Variants in MAP1S observed in about 807,000 individuals in gnomAD.
MAP1S encodes the protein microtubule-associated protein 1S.
A neutral mutation model predicts 60.9 loss-of-function variants in MAP1S; 27 were observed. The observed-to-expected ratio is 0.44, with a 90% CI of 0.33 to 0.61. The LOEUF is 0.61. Among genes scored for constraint, MAP1S ranks in the 20% least tolerant of loss-of-function variants. The pLI is 0.03. For synonymous variants in MAP1S, 826 were observed against 694.2 expected (o/e 1.19, Z -2.98); for missense variants, 1,608 against 1,486.6 (o/e 1.08, Z -1.34).
Position 17,727,809 on chromosome 19 carries a change from T to G in MAP1S, c.2425T>G (p.Ser809Ala), listed in dbSNP as rs2080454222. 8 of 1,612,718 alleles carry G rather than the reference T, an allele frequency of 5.0e-6. No homozygotes were observed. Among genetic ancestry groups the G allele is most frequent in the East Asian group, 2.2e-5 (1 of 44,818 alleles). The change falls in exon 5 of 7, where the codon TCA (serine) becomes GCA (alanine). Residue 809 changes from serine (S) to alanine (A), a missense_variant. Physicochemically the swap from Ser to Ala is moderately conservative, Grantham distance 99. Coordinates refer to ENST00000324096, the MANE Select transcript of MAP1S (RefSeq NM_018174.6). The surrounding 1 kb of genome is among the most constrained non-coding windows in gnomAD (Gnocchi z 4.1). ...PVPLAPGAAD[S>A]DEDTEGFGVP... is the part of the protein sequence containing the mutation. ...GCCCCTGGCCCCCGGTGCGGCAGAC[T>G]CAGACGAAGACACAGAGGGCTTTGG...
In MAP1S at chr19:17,727,735, C is replaced by T. The variant is rs1173680824; in HGVS notation, c.2351C>T (p.Pro784Leu). The change falls in exon 5 of 7, where the codon CCC (proline) becomes CTC (leucine). Residue 784 changes from proline (P) to leucine (L), a missense_variant. Pro to Leu is a moderately conservative substitution (Grantham distance 98). This residue lies in a region of MAP1S where 1,167 missense variants were observed against 961.4 expected (regional missense o/e 1.21). Coordinates refer to ENST00000324096, the MANE Select transcript of MAP1S (RefSeq NM_018174.6). The surrounding 1 kb of genome is among the most constrained non-coding windows in gnomAD (Gnocchi z 4.1). ...AGGLGAEETP[P>L]TSVSESLPTL... Reference sequence around the variant, plus strand: ...GGGCTGGGGGCCGAGGAGACGCCACCCACATCGGTCAGCGAGTCCCTGCCC... The same window carrying T: ...GGGCTGGGGGCCGAGGAGACGCCACTCACATCGGTCAGCGAGTCCCTGCCC... 3 of 1,606,276 alleles carry T rather than the reference C, an allele frequency of 1.9e-6. No homozygotes were observed. In the Admixed American group the frequency reaches 5.0e-5, roughly 27 times the overall value.
In MAP1S at chr19:17,726,802, A is replaced by G. The variant is rs1277977334; in HGVS notation, c.1418A>G (p.Lys473Arg). Residue 473 changes from lysine to arginine, a missense_variant, in exon 5 of 7, where the codon AAA becomes AGA. Lys to Arg is a conservative substitution (Grantham distance 26). Coordinates refer to ENST00000324096, the MANE Select transcript of MAP1S (RefSeq NM_018174.6). ...DLEGPGRAES[K>R]ESVGSRDSSK... ...GAGGGGCCGGGGCGAGCCGAGAGCA[A>G]AGAGAGCGTGGGCTCCCGGGACAGC... 5 of 1,558,122 alleles carry G rather than the reference A, an allele frequency of 3.2e-6. No individual in the cohort carries two copies. The highest frequency in any genetic ancestry group is 1.2e-5 in the South Asian group (1 of 84,914).
chr19:17,722,784 A>AGGG (rs2080382714), intron 2 of MAP1S, among the ~76,000 whole-genome samples: 1 of 88,572 alleles, frequency 1.1e-5, no homozygotes, highest in Non-Finnish European at 2.3e-5. Context: ...GGAGGGAGGG[A>AGGG]GGGGGAGAGG....
chr19:17,727,530 G>T lies in MAP1S; in HGVS notation c.2146G>T (p.Gly716Trp), dbSNP rs1017076804. Residue 716 changes from glycine to tryptophan, a missense_variant, in exon 5 of 7, where the codon GGG becomes TGG. Physicochemically the swap from Gly to Trp is radical, Grantham distance 184 (BLOSUM62 -2). Transcript: ENST00000324096. This position sits in a 1 kb window ranked among gnomAD's most constrained non-coding sequence, Gnocchi z 4.1. ...GCCATCCGCCCCCACCAGTGAGGCTGGGCTGAGCCTCCCGCTGCGTGGCCC... is the reference window on the plus strand; with the variant it reads ...GCCATCCGCCCCCACCAGTGAGGCTTGGCTGAGCCTCCCGCTGCGTGGCCC... ...LPPSAPTSEA[G>W]LSLPLRGPRA... is the part of the protein sequence containing the mutation. 4 of 1,610,156 alleles carry T rather than the reference G, an allele frequency of 2.5e-6. No homozygotes were observed. Among genetic ancestry groups the T allele is most frequent in the Admixed American group, 1.7e-5 (1 of 59,936 alleles).
intron 2 of MAP1S, among the ~76,000 whole-genome samples, chr19:17,722,329 G>A (rs1189760452): frequency 1.3e-5 from 2 of 152,246 alleles, no homozygotes; most frequent in Non-Finnish European, 2.9e-5. Flanking sequence ...GTGCACACCT[G>A]TAGTCCCAGC....
At chr19:17,729,662 C>T (rs570460027) in intron 5 of MAP1S, among the ~76,000 whole-genome samples, 7 of 151,946 alleles carry the variant, frequency 4.6e-5, no homozygotes, top group South Asian at 2.1e-4. Context: ...CGCACCATAA[C>T]GGCCAGCTAA....
intron 2 of MAP1S, 96 bp downstream of exon 2, chr19:17,721,133 TAAC>T (rs576025225): frequency 5.5e-5 from 52 of 939,906 alleles, no homozygotes; most frequent in Non-Finnish European, 7.4e-5. Context: ...CAGCTATAAA[TAAC>T]AACAGTAATA....
chr19:17,721,084 G>A, intron 2 of MAP1S, 47 bp downstream of exon 2: 1 of 1,492,194 alleles, frequency 6.7e-7, no homozygotes, highest in Admixed American at 1.7e-5. Context: ...TGTTATTTGG[G>A]GAAGTGCCAG....
At chr19:17,724,351 C>A in intron 3 of MAP1S, 143 bp downstream of exon 3, 1 of 673,202 alleles carries the variant, frequency 1.5e-6, no homozygotes, top group East Asian at 2.9e-5. Flanking sequence ...ACGAAGCCTT[C>A]CCTGTGGCTT....
At chr19:17,721,062 C>T in intron 2 of MAP1S, 25 bp downstream of exon 2, 1 of 1,578,126 alleles carries the variant, frequency 6.3e-7, no homozygotes, top group Non-Finnish European at 8.7e-7. Flanking sequence ...CCCCTGACTG[C>T]TCCCTACCTC....
intron 5 of MAP1S, among the ~76,000 whole-genome samples, chr19:17,732,143 C>T (rs61299704): frequency 5.4e-4 from 82 of 152,362 alleles, no homozygotes; most frequent in African/African-American, 1.7e-3. Flanking sequence ...TGTTAGTTCT[C>T]TAAATGTTTA....
In MAP1S at chr19:17,730,883, TTTTTTC is replaced by T. The variant is rs1482186986; in HGVS notation, c.2789-2298_2789-2293del. On this transcript the variant is annotated intron_variant, in intron 5 of 6. Transcript: ENST00000324096. ...ATGATTGCCACATCGATTTTTTTTCTTTTTTCTTTTTCTTTTTTTTTTTTTTCAGAT... is the reference window on the plus strand; with the variant it reads ...ATGATTGCCACATCGATTTTTTTTCTTTTTTCTTTTTTTTTTTTTTCAGAT... Among the ~76,000 whole-genome samples the T allele has an allele frequency of 2.0e-3, 308 of 151,836 alleles. 1 individual carries two copies. Among genetic ancestry groups the T allele is most frequent in the African/African-American group, 6.6e-3 (273 of 41,430 alleles).
At chr19:17,721,256 G>A (rs2080368048) in intron 2 of MAP1S, 4 of 564,272 alleles carry the variant, frequency 7.1e-6, no homozygotes, top group Non-Finnish European at 1.3e-5. Flanking sequence ...GACAGATGAG[G>A]AAATTGGCAT....
At chr19:17,731,530 T>C (rs12104296) in intron 5 of MAP1S, among the ~76,000 whole-genome samples, 43,087 of 152,158 alleles carry the variant, frequency 0.28, 7,348 homozygotes, top group African/African-American at 0.48. Flanking sequence ...TTTTGAAATC[T>C]GGAAGTGTGA....
At position 17,727,541 on chromosome 19, in the gene MAP1S, C is replaced by G; in HGVS notation, c.2157C>G (p.Leu719=). Residue 719 remains leucine, a synonymous_variant, in exon 5 of 7, where the codon CTC becomes CTG. Coordinates refer to ENST00000324096, the MANE Select transcript of MAP1S (RefSeq NM_018174.6). The surrounding 1 kb of genome is among the most constrained non-coding windows in gnomAD (Gnocchi z 4.1). ...CCACCAGTGAGGCTGGGCTGAGCCT[C>G]CCGCTGCGTGGCCCCCGGGCGCGGC... ...SAPTSEAGLS[L]PLRGPRARRS... is the part of the protein sequence containing the mutation. The G allele has an allele frequency of 6.2e-7, 1 of 1,609,430 alleles. No individual in the cohort carries two copies. The highest frequency in any genetic ancestry group is 8.5e-7 in the Non-Finnish European group (1 of 1,179,408).
Position 17,727,974 on chromosome 19 carries a change from A to C in MAP1S, c.2590A>C (p.Lys864Gln). 1 of 1,608,404 alleles carries C rather than the reference A, an allele frequency of 6.2e-7. No homozygotes were observed. The highest frequency in any genetic ancestry group is 8.5e-7 in the Non-Finnish European group (1 of 1,177,502). ...AACGGAGAACGTCAGCCGCACCCGG[A>C]AGCCCCTGGCCCGCCCCAACTCACG... ...RQTENVSRTR[K>Q]PLARPNSRAA... The change falls in exon 5 of 7, where the codon AAG becomes CAG. Residue 864 changes from lysine (K) to glutamine (Q), a missense_variant. Lys to Gln is a moderately conservative substitution (Grantham distance 53, BLOSUM62 1). This residue lies in a region of MAP1S where 1,167 missense variants were observed against 961.4 expected (regional missense o/e 1.21). Coordinates refer to ENST00000324096, the MANE Select transcript of MAP1S (RefSeq NM_018174.6). The surrounding 1 kb of genome is among the most constrained non-coding windows in gnomAD (Gnocchi z 4.1).
chr19:17,724,329 ACTT>A (rs1568290821), intron 3 of MAP1S, 121 bp downstream of exon 3: 3 of 764,052 alleles, frequency 3.9e-6, no homozygotes, highest in East Asian at 2.8e-5. Flanking sequence ...CCGGCACCAC[ACTT>A]CTTCGCCCAC....
At chr19:17,731,638 A>G (rs1032554825) in intron 5 of MAP1S, among the ~76,000 whole-genome samples, 1 of 152,050 alleles carries the variant, frequency 6.6e-6, no homozygotes, top group African/African-American at 2.4e-5. Flanking sequence ...TTGCCTGTGG[A>G]CTTTGTACCT....
intron 2 of MAP1S, chr19:17,721,459 T>G (rs1282513734): frequency 1.4e-5 from 4 of 284,850 alleles, no homozygotes; most frequent in African/African-American, 9.1e-5. Flanking sequence ...GGCGGATCAC[T>G]TGAGGTCAGG....
Sources: allele counts gnomAD v4.1 joint callset (sites outside exome capture counted in the v4.1 genomes callset), GRCh38; gene constraint gnomAD v4.1.1; regional missense constraint gnomAD v4.1.1; non-coding constraint Gnocchi (gnomAD v3.1); transcripts MANE v1.5; gene names NCBI Gene and HGNC (gene_info 2026-07-23, HGNC 2026-07-21).